Variants in PATJ observed in about 807,000 individuals in gnomAD.
PATJ encodes the protein inaD-like protein.
Under a neutral mutation model 224.9 loss-of-function variants are expected in PATJ, and 190 were observed. The observed-to-expected ratio is 0.84, with a 90% CI of 0.75 to 0.95. The LOEUF (loss-of-function observed/expected upper bound fraction) is 0.95, where lower values mean the gene tolerates loss of function less well. Ranked by LOEUF, PATJ falls within the 40% of genes least tolerant of loss-of-function variation. The pLI is 0.00. For synonymous variants in PATJ, 769 were observed against 820.3 expected (o/e 0.94, Z 1.07); for missense variants, 2,121 against 2,270.3 (o/e 0.93, Z 1.34).
intron 31 of PATJ, among the ~76,000 whole-genome samples, chr1:62,061,451 G>T (rs966152022): frequency 1.3e-4 from 19 of 152,000 alleles, no homozygotes; most frequent in African/African-American, 4.6e-4. Flanking sequence ...CAAAGTGCTG[G>T]GATTACAGGT....
chr1:61,800,746 C>T (rs1652303460), intron 11 of PATJ, among the ~76,000 whole-genome samples: 1 of 152,080 alleles, frequency 6.6e-6, no homozygotes, highest in Non-Finnish European at 1.5e-5. Context: ...CACCCCACAA[C>T]AGGCCCCGGT....
intron 14 of PATJ, among the ~76,000 whole-genome samples, chr1:61,813,396 CACAT>C (rs1182015486): frequency 6.6e-5 from 9 of 136,620 alleles, no homozygotes; most frequent in African/African-American, 8.2e-5. Context: ...CACACACACA[CACAT>C]ACACACATAT....
intron 22 of PATJ, among the ~76,000 whole-genome samples, chr1:61,891,511 G>T (rs1258773605): frequency 6.6e-6 from 1 of 152,162 alleles, no homozygotes; most frequent in Non-Finnish European, 1.5e-5. Flanking sequence ...GGAGTCTGTG[G>T]CCTCGAGCAC....
chr1:62,052,165 T>C (rs889842983), intron 31 of PATJ, among the ~76,000 whole-genome samples: 2 of 152,086 alleles, frequency 1.3e-5, no homozygotes, highest in African/African-American at 4.8e-5. Flanking sequence ...CACTTAGGAG[T>C]GTCATCTAAC....
intron 33 of PATJ, among the ~76,000 whole-genome samples, chr1:62,094,949 T>C (rs550313646): frequency 6.3e-4 from 96 of 152,248 alleles, no homozygotes; most frequent in Non-Finnish European, 7.6e-4. Context: ...CCAAATAGAG[T>C]ATCCAGATTT....
At chr1:62,011,803 T>G (rs1393511745) in intron 28 of PATJ, among the ~76,000 whole-genome samples, 1 of 151,830 alleles carries the variant, frequency 6.6e-6, no homozygotes, top group Non-Finnish European at 1.5e-5. Flanking sequence ...AAGGTGCAAT[T>G]TGTTTGCATG....
intron 31 of PATJ, among the ~76,000 whole-genome samples, chr1:62,071,084 A>G (rs962756257): frequency 6.6e-6 from 1 of 152,136 alleles, no homozygotes; most frequent in East Asian, 1.9e-4. Context: ...AAAAACAAAC[A>G]AACAAAAACC....
At chr1:61,788,301 A>G (rs894594394) in intron 8 of PATJ, among the ~76,000 whole-genome samples, 2 of 152,122 alleles carry the variant, frequency 1.3e-5, no homozygotes, top group South Asian at 2.1e-4. Flanking sequence ...GATGTGTGAG[A>G]ATTATCACTG....
chr1:62,003,374 C>T (rs1047480304), intron 28 of PATJ, among the ~76,000 whole-genome samples: 5 of 152,178 alleles, frequency 3.3e-5, no homozygotes, highest in Non-Finnish European at 7.3e-5. Context: ...CAAATTTAGA[C>T]AGATGTGTGA....
chr1:61,899,154 A>G (rs1334120619), intron 22 of PATJ, among the ~76,000 whole-genome samples: 1 of 152,224 alleles, frequency 6.6e-6, no homozygotes, highest in African/African-American at 2.4e-5. Flanking sequence ...AGGGCTAGAA[A>G]GAGGGATCAT....
chr1:62,124,027 G>A (rs748255967), intron 39 of PATJ, among the ~76,000 whole-genome samples: 8 of 151,786 alleles, frequency 5.3e-5, no homozygotes, highest in Admixed American at 1.3e-4. Flanking sequence ...TAAATTTGTC[G>A]AACCCTGATT....
chr1:61,803,744 CG>C (rs1365532479), intron 12 of PATJ, among the ~76,000 whole-genome samples: 1 of 152,134 alleles, frequency 6.6e-6, no homozygotes, highest in African/African-American at 2.4e-5. Flanking sequence ...AACTTCACTA[CG>C]TTTTTTTCTT....
chr1:61,968,965 G>A (rs946289966), intron 27 of PATJ, among the ~76,000 whole-genome samples: 2 of 152,166 alleles, frequency 1.3e-5, no homozygotes, highest in Non-Finnish European at 2.9e-5. Flanking sequence ...TGTGTAAGTG[G>A]AATCATATTG....
rs199652974 is a variant in PATJ at position 61,797,309 on chromosome 1, G to A, written c.1283G>A (p.Gly428Asp). 1.7e-5 allele frequency: 27 copies of A among 1,613,396 alleles called. No homozygotes were observed. The East Asian group carries it at 2.7e-4, about 16-fold the overall frequency. ...TAGGTCGATGGCGTGAACATTCAGG[G>A]TTTTGCCAACCATGATGTTGTTGAA... ...IVAVDGVNIQ[G>D]FANHDVVEVL... The change falls in exon 11 of 44, where the codon GGT (glycine) becomes GAT (aspartate). Residue 428 changes from glycine (G) to aspartate (D), a missense_variant. Physicochemically the swap from Gly to Asp is moderately conservative, Grantham distance 94. Transcript: ENST00000642238.
chr1:62,073,372 C>G, intron 31 of PATJ: 1 of 973,280 alleles, frequency 1.0e-6, no homozygotes, highest in Non-Finnish European at 1.2e-6. Context: ...CTTGTAATCC[C>G]ACCACTTTGG....
chr1:62,027,216 T>C (rs1461377836), intron 29 of PATJ, among the ~76,000 whole-genome samples: 1 of 152,256 alleles, frequency 6.6e-6, no homozygotes, highest in South Asian at 2.1e-4. Flanking sequence ...AGTGGACTCA[T>C]GCAGTATTTG....
intron 27 of PATJ, among the ~76,000 whole-genome samples, chr1:61,960,220 A>G (rs2149420570): frequency 6.6e-6 from 1 of 152,164 alleles, no homozygotes; most frequent in Admixed American, 6.6e-5. Flanking sequence ...ATATTCCTTA[A>G]CTCTAATGTG....
chr1:61,889,220 C>T (rs59806375), intron 22 of PATJ, among the ~76,000 whole-genome samples: 12,232 of 152,174 alleles, frequency 0.08, 691 homozygotes, highest in South Asian at 0.25. Flanking sequence ...TGTCTACGTG[C>T]GTGTGAGTGC....
chr1:61,918,418 A>G (rs1673779196), intron 26 of PATJ, among the ~76,000 whole-genome samples: 1 of 148,126 alleles, frequency 6.8e-6, no homozygotes, highest in Admixed American at 6.9e-5. Flanking sequence ...AGTGATTCTC[A>G]TGCCTCAGCC....
Sources: allele counts gnomAD v4.1 joint callset (sites outside exome capture counted in the v4.1 genomes callset), GRCh38; gene constraint gnomAD v4.1.1; transcripts MANE v1.5; gene names NCBI Gene and HGNC (gene_info 2026-07-23, HGNC 2026-07-21).